The following CMSS1 variants were observed in gnomAD, a reference collection of about 807,000 sequenced individuals.
The protein encoded by CMSS1 is cms1 ribosomal small subunit homolog.
In CMSS1, 33 loss-of-function variants were observed where a neutral mutation model predicts 43.5. That is an observed-to-expected ratio of 0.76 (90% CI 0.57 to 1.01). CMSS1 has a LOEUF of 1.01. Ranked by LOEUF, CMSS1 falls within the 50% of genes least tolerant of loss-of-function variation. CMSS1 has a pLI of 0.00. For missense variants in CMSS1, 313 were observed against 326.4 expected, an observed-to-expected ratio of 0.96 and a Z score of 0.32; for synonymous variants, 115 against 117.2, an observed-to-expected ratio of 0.98 and a Z score of 0.12.
chr3:99,821,897 T>A (rs776225200), intron 1 of CMSS1, among the ~76,000 whole-genome samples: 40 of 151,940 alleles, frequency 2.6e-4, no homozygotes, highest in Non-Finnish European at 4.6e-4. Context: ...AAGACAAAAA[T>A]TAGCCAGGTG....
chr3:100,004,664 AAG>A (rs1709937994), intron 1 of CMSS1, among the ~76,000 whole-genome samples: 1 of 152,182 alleles, frequency 6.6e-6, no homozygotes, highest in South Asian at 2.1e-4. Flanking sequence ...CGGCTTCATG[AAG>A]AGAGAGCACC....
chr3:99,844,257 C>T (rs998016919), intron 1 of CMSS1, among the ~76,000 whole-genome samples: 4 of 151,860 alleles, frequency 2.6e-5, no homozygotes, highest in African/African-American at 9.7e-5. Flanking sequence ...GGGCCCTACG[C>T]CCCCAGAGGT....
chr3:100,049,212 G>A (rs1036580612), intron 1 of CMSS1, among the ~76,000 whole-genome samples: 7 of 152,210 alleles, frequency 4.6e-5, no homozygotes, highest in African/African-American at 1.7e-4. Flanking sequence ...TTATAGAAAC[G>A]TGGCAATAAA....
chr3:99,947,983 A>C (rs1708059520), intron 1 of CMSS1, among the ~76,000 whole-genome samples: 1 of 152,256 alleles, frequency 6.6e-6, no homozygotes, highest in Non-Finnish European at 1.5e-5. Flanking sequence ...TGTAGAGCAT[A>C]TTTCAAACAA....
rs1474658453 is a variant in CMSS1 at position 99,904,575 on chromosome 3, A to G, written c.64+86532A>G. ...GACATCTTTTTATTTCAAACATAGT[A>G]AGCCTTGAGGTTTCCTTACTTTTCT... On this transcript the variant is annotated intron_variant, in intron 1 of 9. Coordinates refer to ENST00000421999, the MANE Select transcript of CMSS1 (RefSeq NM_032359.4). Among the ~76,000 whole-genome samples, 3 of 152,346 alleles carry G rather than the reference A, an allele frequency of 2.0e-5. No individual in the cohort carries two copies. The East Asian group carries it at 5.8e-4, about 29-fold the overall frequency.
intron 1 of CMSS1, among the ~76,000 whole-genome samples, chr3:100,063,174 C>CT (rs2065603823): frequency 6.6e-6 from 1 of 152,178 alleles, no homozygotes; most frequent in Non-Finnish European, 1.5e-5. Context: ...TCACCCACTA[C>CT]TTGTTGTCCA....
At chr3:99,840,221 C>CTT (rs10935982) in intron 1 of CMSS1, among the ~76,000 whole-genome samples, 3,582 of 102,026 alleles carry the variant, frequency 0.035, 219 homozygotes, top group African/African-American at 0.048. Context: ...TTCGTAGAAT[C>CTT]TTTTTTTTTT....
intron 1 of CMSS1, among the ~76,000 whole-genome samples, chr3:100,019,637 T>C (rs1006847978): frequency 6.6e-6 from 1 of 152,230 alleles, no homozygotes; most frequent in Non-Finnish European, 1.5e-5. Flanking sequence ...ATCTTGACTA[T>C]TGCTGTTGAC....
chr3:100,117,847 A>AC (rs2066586606), intron 1 of CMSS1, among the ~76,000 whole-genome samples: 1 of 94,096 alleles, frequency 1.1e-5, no homozygotes, highest in South Asian at 3.6e-4. Flanking sequence ...ATATATATAT[A>AC]TATATACATA....
At chr3:100,099,667 A>G (rs1453415181) in intron 1 of CMSS1, among the ~76,000 whole-genome samples, 1 of 152,208 alleles carries the variant, frequency 6.6e-6, no homozygotes, top group Non-Finnish European at 1.5e-5. Context: ...ATATAAATAT[A>G]CCATGTTATT....
Position 100,098,058 on chromosome 3 carries a change from G to A in CMSS1, c.65-48915G>A, listed in dbSNP as rs73144463. On this transcript the variant is annotated intron_variant, in intron 1 of 9. Coordinates refer to ENST00000421999, the MANE Select transcript of CMSS1 (RefSeq NM_032359.4). ...TGAAAAATCTAGTAAAACAAGAATAGCAACAAGATCATAGGTCAGGGACTA... is the reference window on the plus strand; with the variant it reads ...TGAAAAATCTAGTAAAACAAGAATAACAACAAGATCATAGGTCAGGGACTA... Among the ~76,000 whole-genome samples, 433 of 152,270 alleles carry A rather than the reference G, an allele frequency of 2.8e-3. 2 individuals are homozygous for A. Among genetic ancestry groups the A allele is most frequent in the Non-Finnish European group, 4.5e-3 (307 of 68,016 alleles).
In CMSS1 at chr3:99,848,777, T is replaced by G. The variant is rs745474780; in HGVS notation, c.64+30734T>G. On this transcript the variant is annotated intron_variant, in intron 1 of 9. Transcript: ENST00000421999. ...GGGGACATGCCTTGTTCTAAATTCA[T>G]GAGGTCTTCGGTAGAGGTTTTGGAC... 2.4e-5 allele frequency: 39 copies of G among 1,614,034 alleles called. No individual in the cohort carries two copies. In the African/African-American group the frequency reaches 3.3e-4, roughly 14 times the overall value.
rs761032458 is a variant in CMSS1 at position 100,171,874 on chromosome 3, T to A, written c.554T>A (p.Ile185Lys). ...MTAFRGDGKV[I>K]KLFAKHIKVQ... is the part of the protein sequence containing the mutation. ...GCATTCAGAGGAGACGGCAAAGTTA[T>A]AAAATTATTTGCAAAGCACATAAAG... is the stretch of plus-strand genomic sequence containing the variant. The change falls in exon 7 of 10, where the codon ATA (isoleucine) becomes AAA (lysine). Residue 185 changes from isoleucine (I) to lysine (K), a missense_variant. Transcript: ENST00000421999. 1 of 1,613,860 alleles carries A rather than the reference T, an allele frequency of 6.2e-7. No individual in the cohort carries two copies. Among genetic ancestry groups the A allele is most frequent in the East Asian group, 2.2e-5 (1 of 44,892 alleles).
In CMSS1 at chr3:99,871,606, C is replaced by T. The variant is rs139754817; in HGVS notation, c.64+53563C>T. Among the ~76,000 whole-genome samples the T allele has an allele frequency of 4.6e-3, 695 of 152,270 alleles. 2 individuals are homozygous for T. The highest frequency in any genetic ancestry group is 7.1e-3 in the South Asian group (34 of 4,816). On this transcript the variant is annotated intron_variant, in intron 1 of 9. Coordinates refer to ENST00000421999, the MANE Select transcript of CMSS1 (RefSeq NM_032359.4). ...TAGCCTTCATAGGTGACTTCCTCTGCAGTTTTGGGGGAGGTTGTTTTGAAG... is the reference window on the plus strand; with the variant it reads ...TAGCCTTCATAGGTGACTTCCTCTGTAGTTTTGGGGGAGGTTGTTTTGAAG...
chr3:100,166,645 C>T (rs1039521538), intron 5 of CMSS1, among the ~76,000 whole-genome samples: 5 of 152,186 alleles, frequency 3.3e-5, no homozygotes, highest in African/African-American at 1.2e-4. Flanking sequence ...GATATGTGTT[C>T]CATCTGTGAG....
intron 1 of CMSS1, among the ~76,000 whole-genome samples, chr3:100,108,024 C>A (rs1028846720): frequency 1.3e-5 from 2 of 152,074 alleles, no homozygotes; most frequent in Non-Finnish European, 2.9e-5. Context: ...AATGCCAAAA[C>A]CATGAAATGA....
intron 1 of CMSS1, among the ~76,000 whole-genome samples, chr3:99,825,864 G>A (rs751829024): frequency 1.9e-4 from 27 of 139,832 alleles, no homozygotes; most frequent in Non-Finnish European, 3.6e-4. Context: ...TGCAACCTCC[G>A]CCTCCTGAGT....
intron 8 of CMSS1, 115 bp downstream of exon 8, chr3:100,172,518 A>G (rs2067119585): frequency 6.8e-6 from 5 of 738,570 alleles, no homozygotes; most frequent in Non-Finnish European, 1.1e-5. Flanking sequence ...GTGTTAATTC[A>G]GGAATTGGAA....
At chr3:99,920,169 A>G (rs1707080527) in intron 1 of CMSS1, among the ~76,000 whole-genome samples, 1 of 152,236 alleles carries the variant, frequency 6.6e-6, no homozygotes, top group Non-Finnish European at 1.5e-5. Flanking sequence ...TTGTTGTTTC[A>G]AGACCAGAAA....
Sources: allele counts gnomAD v4.1 joint callset (sites outside exome capture counted in the v4.1 genomes callset), GRCh38; gene constraint gnomAD v4.1.1; transcripts MANE v1.5; gene names NCBI Gene and HGNC (gene_info 2026-07-23, HGNC 2026-07-21).